The following RAB38 variants were observed in gnomAD, a reference collection of about 807,000 sequenced individuals.
The protein encoded by RAB38 is ras-related protein Rab-38.
In RAB38, 15 loss-of-function variants were observed where a neutral mutation model predicts 18.4. The ratio of observed to expected loss-of-function variants is 0.82; its 90% CI spans 0.55 to 1.26. RAB38 has a LOEUF of 1.26. Ranked by LOEUF, RAB38 falls within the 50% of genes most tolerant of loss-of-function variation. RAB38 has a pLI of 0.00. For missense variants in RAB38, 294 were observed against 267.4 expected, an observed-to-expected ratio of 1.10 and a Z score of -0.69; for synonymous variants, 101 against 104.4, an observed-to-expected ratio of 0.97 and a Z score of 0.20.
At chr11:87,941,211 T>TTATATATATATATATATATATA in the RAB38 span, among the ~76,000 whole-genome samples, 1 of 24,140 alleles carries the variant, frequency 4.1e-5, no homozygotes, top group African/African-American at 2.0e-4. Flanking sequence ...TATAAATATA[T>TTATATATATATATATATATATA]GAGATATATA....
At chr11:88,115,803 A>G (rs1256940549) in intron 2 of RAB38, 1 of 152,220 alleles carries the variant, frequency 6.6e-6, no homozygotes, top group Admixed American at 6.5e-5. Context: ...TTGCTTTCAC[A>G]ATGTGAACTT....
At chr11:88,033,949 G>A in the RAB38 span, among the ~76,000 whole-genome samples, 17 of 151,972 alleles carry the variant, frequency 1.1e-4, no homozygotes, top group Non-Finnish European at 1.8e-4. Context: ...GGATGGTCTC[G>A]ATCTCCTGAC....
the RAB38 span, among the ~76,000 whole-genome samples, chr11:87,864,309 TATTATA>T: frequency 1.6e-4 from 24 of 150,216 alleles, no homozygotes; most frequent in African/African-American, 5.8e-4. Context: ...TGCTGTACTA[TATTATA>T]ATTATTTATA....
chr11:88,146,491 T>C (rs1261765799), intron 2 of RAB38, among the ~76,000 whole-genome samples: 1 of 151,994 alleles, frequency 6.6e-6, no homozygotes, highest in African/African-American at 2.4e-5. Context: ...TTCTCTGATC[T>C]CAAAATGAAG....
the RAB38 span, among the ~76,000 whole-genome samples, chr11:87,908,704 A>G: frequency 6.6e-6 from 1 of 152,094 alleles, no homozygotes; most frequent in South Asian, 2.1e-4. Flanking sequence ...TTAAAATTCT[A>G]AACCATAAAC....
At chr11:88,026,121 C>T in the RAB38 span, among the ~76,000 whole-genome samples, 15,778 of 151,882 alleles carry the variant, frequency 0.1, 1,590 homozygotes, top group East Asian at 0.33. Context: ...CGCACCACCA[C>T]GTCTGGCTAA....
At chr11:87,941,942 C>G in the RAB38 span, among the ~76,000 whole-genome samples, 4 of 152,168 alleles carry the variant, frequency 2.6e-5, no homozygotes, top group Non-Finnish European at 5.9e-5. Flanking sequence ...GGGAGTGCCT[C>G]ATTACCCCTG....
chr11:87,881,914 T>A, the RAB38 span, among the ~76,000 whole-genome samples: 11 of 151,982 alleles, frequency 7.2e-5, no homozygotes, highest in South Asian at 1.9e-3. Context: ...CTGGTTGGTG[T>A]CTGGCAGAGA....
At chr11:87,846,220 A>G in the RAB38 span, among the ~76,000 whole-genome samples, 1 of 152,116 alleles carries the variant, frequency 6.6e-6, no homozygotes, top group African/African-American at 2.4e-5. Context: ...AGAAAACAAG[A>G]GAATGGTAGG....
chr11:88,058,168 A>T, the RAB38 span, among the ~76,000 whole-genome samples: 1 of 152,328 alleles, frequency 6.6e-6, no homozygotes, highest in Admixed American at 6.5e-5. Flanking sequence ...CCTCACACAG[A>T]GGATACTTTA....
chr11:88,151,311 T>C (rs1397053458), intron 1 of RAB38, among the ~76,000 whole-genome samples: 2 of 152,186 alleles, frequency 1.3e-5, no homozygotes, highest in Non-Finnish European at 2.9e-5. Context: ...AAAGACAATA[T>C]GGCACAAGTT....
chr11:88,034,169 C>T, the RAB38 span, among the ~76,000 whole-genome samples: 20 of 152,110 alleles, frequency 1.3e-4, no homozygotes, highest in African/African-American at 3.6e-4. Flanking sequence ...ATTTGGGATT[C>T]GCTTTTTTTC....
chr11:88,116,033 C>G (rs1490017912), intron 2 of RAB38, among the ~76,000 whole-genome samples: 1 of 152,212 alleles, frequency 6.6e-6, no homozygotes, highest in African/African-American at 2.4e-5. Flanking sequence ...GGGCAACTTC[C>G]TGTGCCTTAA....
chr11:87,930,467 C>T, the RAB38 span, among the ~76,000 whole-genome samples: 3 of 152,102 alleles, frequency 2.0e-5, no homozygotes, highest in Admixed American at 6.5e-5. Flanking sequence ...GGATATTAGC[C>T]CTTTGTCAGA....
chr11:87,845,961 A>G, the RAB38 span, among the ~76,000 whole-genome samples: 1 of 152,254 alleles, frequency 6.6e-6, no homozygotes, highest in Admixed American at 6.5e-5. Context: ...GAGATAAAGA[A>G]ATTTTGACAT....
the RAB38 span, among the ~76,000 whole-genome samples, chr11:87,848,856 C>T: frequency 6.6e-6 from 1 of 151,164 alleles, no homozygotes; most frequent in Non-Finnish European, 1.5e-5. Flanking sequence ...TAATTTATTG[C>T]ATTATAACAT....
At chr11:88,009,454 T>C in the RAB38 span, among the ~76,000 whole-genome samples, 1 of 152,166 alleles carries the variant, frequency 6.6e-6, no homozygotes, top group Non-Finnish European at 1.5e-5. Context: ...CTCAGGAGGA[T>C]TCTGGGGAGA....
intron 2 of RAB38, among the ~76,000 whole-genome samples, chr11:88,138,468 T>C (rs1385577484): frequency 6.6e-6 from 1 of 152,144 alleles, no homozygotes; most frequent in Non-Finnish European, 1.5e-5. Flanking sequence ...AATGAGTATG[T>C]AGAAATCTAA....
intron 2 of RAB38, among the ~76,000 whole-genome samples, chr11:88,121,308 T>G (rs1474234172): frequency 1.3e-5 from 2 of 152,220 alleles, no homozygotes; most frequent in African/African-American, 4.8e-5. Flanking sequence ...TTACCAAAAA[T>G]AGCTGATGCC....
Sources: allele counts gnomAD v4.1 joint callset (sites outside exome capture counted in the v4.1 genomes callset), GRCh38; gene constraint gnomAD v4.1.1; transcripts MANE v1.5; gene names NCBI Gene and HGNC (gene_info 2026-07-23, HGNC 2026-07-21).